The following ANO3 variants were observed in gnomAD, a reference collection of about 807,000 sequenced individuals.
ANO3 encodes the protein anoctamin 3.
Under a neutral mutation model 144.8 loss-of-function variants are expected in ANO3, and 99 were observed. The observed-to-expected ratio is 0.68, with a 90% CI of 0.58 to 0.81. The LOEUF (loss-of-function observed/expected upper bound fraction) is 0.81. Ranked by LOEUF, ANO3 falls within the 30% of genes least tolerant of loss-of-function variation. The pLI, the probability that ANO3 is intolerant of heterozygous loss-of-function variation, is 0.00. For synonymous variants in ANO3, 414 were observed against 392.6 expected (o/e 1.05, Z -0.64); for missense variants, 905 against 1,202.2 (o/e 0.75, Z 3.66).
intron 1 of ANO3, among the ~76,000 whole-genome samples, chr11:26,297,352 C>G (rs1854118021): frequency 6.6e-6 from 1 of 151,954 alleles, no homozygotes; most frequent in Non-Finnish European, 1.5e-5. Context: ...GTGAGTGTCG[C>G]TGTTCTAACA....
intron 14 of ANO3, among the ~76,000 whole-genome samples, chr11:26,592,958 GT>G (rs1007570680): frequency 6.6e-6 from 1 of 152,040 alleles, no homozygotes; most frequent in Non-Finnish European, 1.5e-5. Context: ...CATATGAGGG[GT>G]CCTTCTATAA....
At chr11:26,589,413 CTTT>C (rs11423756) in intron 14 of ANO3, among the ~76,000 whole-genome samples, 3 of 137,598 alleles carry the variant, frequency 2.2e-5, no homozygotes, top group African/African-American at 5.4e-5. Flanking sequence ...CCCCAATTTT[CTTT>C]TTTTTTTTTT....
intron 2 of ANO3, 28 bp downstream of exon 2, chr11:26,442,140 C>A: frequency 1.9e-6 from 3 of 1,596,174 alleles, no homozygotes; most frequent in South Asian, 2.2e-5. Flanking sequence ...TTTTCTTGTT[C>A]AATTTATAAA....
Position 26,544,273 on chromosome 11 carries a change from T to TAC in ANO3, c.1154+2211_1154+2212dup, listed in dbSNP as rs1554967702. Among the ~76,000 whole-genome samples the TAC allele has an allele frequency of 6.0e-3, 347 of 58,294 alleles. 6 individuals are homozygous for TAC. Among genetic ancestry groups the TAC allele is most frequent in the South Asian group, 0.015 (15 of 1,008 alleles). The allele number at this position is 58,294 out of a possible 152,430, so 38.2% of individuals were successfully genotyped here. On this transcript the variant is annotated intron_variant, in intron 11 of 26. Coordinates refer to ENST00000256737, the MANE Select transcript of ANO3 (RefSeq NM_031418.4). ...ATACATATATATATATATATATATA[T>TAC]ACACACATACACACACACACACACA...
At chr11:26,386,519 T>C (rs1856737694) in intron 1 of ANO3, among the ~76,000 whole-genome samples, 1 of 152,174 alleles carries the variant, frequency 6.6e-6, no homozygotes, top group African/African-American at 2.4e-5. Context: ...TGATAAAACA[T>C]TTCAGATACT....
chr11:26,566,023 C>A, intron 14 of ANO3: 1 of 1,024,918 alleles, frequency 9.8e-7, no homozygotes, highest in Non-Finnish European at 1.3e-6. Flanking sequence ...TATTTTTATT[C>A]CAAAATTGCT....
At chr11:26,411,363 T>C (rs72884578) in intron 1 of ANO3, among the ~76,000 whole-genome samples, 16,063 of 151,976 alleles carry the variant, frequency 0.11, 1,124 homozygotes, top group South Asian at 0.25. Context: ...ATATCAAACA[T>C]TTTGCCAACA....
chr11:26,202,325 TATG>T (rs1851712893), intron 1 of ANO3, among the ~76,000 whole-genome samples: 1 of 146,078 alleles, frequency 6.8e-6, no homozygotes, highest in Non-Finnish European at 1.5e-5. Context: ...TATAGATACA[TATG>T]ATATATATAA....
intron 14 of ANO3, chr11:26,560,926 C>T: frequency 1.2e-6 from 1 of 805,600 alleles, no homozygotes. Context: ...TACATTTCTG[C>T]TACTGGTCTC....
At chr11:26,535,571 C>CTTTTTTTTTTTTTTTTT (rs72278856) in intron 9 of ANO3, among the ~76,000 whole-genome samples, 2 of 58,570 alleles carry the variant, frequency 3.4e-5, no homozygotes, top group Non-Finnish European at 5.6e-5. Context: ...AAGACAGCCA[C>CTTTTTTTTTTTTTTTTT]TTTTTTTTTT....
rs778009988 is a variant in ANO3, at chr11:26,656,397, G to A, written c.2679G>A (p.Pro893=). Residue 893 remains proline (P), a synonymous_variant, in exon 26 of 27, where the codon CCG becomes CCA. Transcript: ENST00000256737. The stretch of plus-strand genomic sequence containing the variant: ...TCAGGTACAGAGACTACAGAGGCCC[G>A]CCCTGGAGTTCCAAACCCTATGAGT... ...GYCRYRDYRG[P]PWSSKPYEFT... is the part of the protein sequence containing the mutation. 65 of 1,607,400 alleles carry A rather than the reference G, an allele frequency of 4.0e-5. No homozygotes were observed. Among genetic ancestry groups the A allele is most frequent in the East Asian group, 1.8e-4 (8 of 44,832 alleles).
intron 1 of ANO3, among the ~76,000 whole-genome samples, chr11:26,404,970 TGTGTGTG>T (rs1857242782): frequency 6.6e-6 from 1 of 151,018 alleles, no homozygotes; most frequent in Non-Finnish European, 1.5e-5. Context: ...TGTGTGTGTG[TGTGTGTG>T]TGTCTATATA....
intron 17 of ANO3, among the ~76,000 whole-genome samples, chr11:26,612,155 C>A (rs912027880): frequency 2.6e-5 from 4 of 151,868 alleles, no homozygotes; most frequent in Admixed American, 2.0e-4. Context: ...TTAATGATTT[C>A]TTGGTTGTTT....
intron 18 of ANO3, among the ~76,000 whole-genome samples, chr11:26,629,449 C>T (rs917936575): frequency 7.9e-5 from 12 of 152,134 alleles, no homozygotes; most frequent in Non-Finnish European, 1.2e-4. Context: ...AAAATTCTTA[C>T]GGCCAAGAAT....
chr11:26,385,899 ATATT>A, intron 1 of ANO3, among the ~76,000 whole-genome samples: 1 of 151,088 alleles, frequency 6.6e-6, no homozygotes. Flanking sequence ...GTGTGTATAT[ATATT>A]TATATACATA....
intron 6 of ANO3, among the ~76,000 whole-genome samples, chr11:26,519,419 C>T (rs1204289993): frequency 6.6e-6 from 1 of 152,170 alleles, no homozygotes; most frequent in Non-Finnish European, 1.5e-5. Context: ...TGTGATTATA[C>T]TTTCATTTAA....
intron 1 of ANO3, among the ~76,000 whole-genome samples, chr11:26,316,381 C>A (rs183571000): frequency 6.6e-6 from 1 of 152,232 alleles, no homozygotes; most frequent in East Asian, 1.9e-4. Flanking sequence ...TGAAGTAATT[C>A]TTTAACATAT....
At chr11:26,456,307 A>T (rs1859158135) in intron 3 of ANO3, among the ~76,000 whole-genome samples, 1 of 152,142 alleles carries the variant, frequency 6.6e-6, no homozygotes, top group Non-Finnish European at 1.5e-5. Context: ...ATGGGACAAA[A>T]TTTTCACAAC....
intron 14 of ANO3, chr11:26,565,988 A>T (rs1233950390): frequency 2.2e-5 from 27 of 1,237,972 alleles, no homozygotes; most frequent in Admixed American, 3.1e-5. Context: ...AAAAATCTAG[A>T]CATAATATAG....
Sources: gnomAD v4.1 joint callset for allele counts (sites outside exome capture counted in the v4.1 genomes callset) on GRCh38, gnomAD v4.1.1 for gene constraint, MANE v1.5 for transcripts, NCBI Gene and HGNC (gene_info 2026-07-23, HGNC 2026-07-21) for gene names.